The following FGF12 variants were observed in gnomAD, a reference collection of about 807,000 sequenced individuals.
The protein encoded by FGF12 is fibroblast growth factor 12B.
Under a neutral mutation model 23.6 loss-of-function variants are expected in FGF12, and 14 were observed. That is an observed-to-expected ratio of 0.59 (90% CI 0.39 to 0.93). FGF12 has a LOEUF of 0.93. Among genes scored for constraint, FGF12 ranks in the 40% least tolerant of loss-of-function variants. The pLI is 0.00. For missense variants in FGF12, 175 were observed against 217.8 expected (o/e 0.80, Z 1.24); for synonymous variants, 62 against 77.3 (o/e 0.80, Z 1.04).
intron 2 of FGF12, among the ~76,000 whole-genome samples, chr3:192,507,219 G>C (rs1724336787): frequency 1.3e-5 from 2 of 151,906 alleles, no homozygotes; most frequent in Non-Finnish European, 2.9e-5. Context: ...AGCTTTTAAG[G>C]CTCTTCTGGG....
chr3:192,292,375 T>C lies in FGF12; in HGVS notation c.228+42986A>G, dbSNP rs576153694. On this transcript the variant is annotated intron_variant, in intron 4 of 5. Transcript: ENST00000445105. The stretch of plus-strand genomic sequence containing the variant: ...ATGTTGCAATGAGTCAGCATCCTTT[T>C]CTAAGTTTTATAAAGAGAATTCGTG... Among the ~76,000 whole-genome samples, 4 of 152,226 alleles carry C rather than the reference T, an allele frequency of 2.6e-5. No individual in the cohort carries two copies. In the East Asian group the frequency reaches 7.7e-4, roughly 29 times the overall value.
At chr3:192,528,248 T>C (rs921670100) in intron 2 of FGF12, among the ~76,000 whole-genome samples, 3 of 152,098 alleles carry the variant, frequency 2.0e-5, no homozygotes, top group African/African-American at 4.8e-5. Flanking sequence ...GGTTCAAGCA[T>C]TGGAAGAAAT....
intron 2 of FGF12, among the ~76,000 whole-genome samples, chr3:192,625,608 T>C (rs575655781): frequency 3.3e-4 from 50 of 152,218 alleles, no homozygotes; most frequent in African/African-American, 1.2e-3. Flanking sequence ...AGATTCTAGG[T>C]TTTTTCTTAA....
intron 4 of FGF12, among the ~76,000 whole-genome samples, chr3:192,313,110 A>G (rs747847446): frequency 2.3e-4 from 35 of 152,186 alleles, no homozygotes; most frequent in Admixed American, 5.9e-4. Context: ...ATTCTCTATT[A>G]CAGAAATACA....
intron 4 of FGF12, among the ~76,000 whole-genome samples, chr3:192,294,624 A>G (rs1469900243): frequency 6.6e-6 from 1 of 152,200 alleles, no homozygotes; most frequent in Non-Finnish European, 1.5e-5. Flanking sequence ...AGTGCATGAG[A>G]TTGTATAGAA....
At chr3:192,485,253 A>T (rs1160585531) in intron 2 of FGF12, among the ~76,000 whole-genome samples, 1 of 152,138 alleles carries the variant, frequency 6.6e-6, no homozygotes, top group Non-Finnish European at 1.5e-5. Context: ...ATTGCCACAA[A>T]ATTTTGAAAC....
chr3:192,329,145 T>A (rs1309038947), intron 4 of FGF12, among the ~76,000 whole-genome samples: 1 of 152,170 alleles, frequency 6.6e-6, no homozygotes, highest in East Asian at 1.9e-4. Context: ...ATGGCCCAGA[T>A]AGCAAAGATG....
intron 5 of FGF12, among the ~76,000 whole-genome samples, chr3:192,158,371 TTTC>T (rs879580028): frequency 2.5e-5 from 3 of 118,960 alleles, no homozygotes; most frequent in Non-Finnish European, 3.6e-5. Flanking sequence ...TCTTTCTTTC[TTTC>T]TTTCTTTCTT....
At chr3:192,703,974 G>C (rs1483943505) in intron 2 of FGF12, among the ~76,000 whole-genome samples, 1 of 152,076 alleles carries the variant, frequency 6.6e-6, no homozygotes, top group Non-Finnish European at 1.5e-5. Flanking sequence ...CAAAGCACTG[G>C]GATTATAGAC....
chr3:192,621,746 C>T (rs1714985282), intron 2 of FGF12, among the ~76,000 whole-genome samples: 1 of 150,272 alleles, frequency 6.7e-6, no homozygotes, highest in African/African-American at 2.4e-5. Flanking sequence ...CTGCCTCCAG[C>T]CCTAAGAACT....
At chr3:192,592,693 A>T (rs1713677894) in intron 2 of FGF12, among the ~76,000 whole-genome samples, 1 of 151,820 alleles carries the variant, frequency 6.6e-6, no homozygotes, top group African/African-American at 2.4e-5. Context: ...AAACAAAACC[A>T]CTTTCCAGAA....
chr3:192,593,716 G>A (rs1016439631), intron 2 of FGF12, among the ~76,000 whole-genome samples: 1 of 151,780 alleles, frequency 6.6e-6, no homozygotes, highest in African/African-American at 2.4e-5. Context: ...TTTTTTCTGC[G>A]GTGCACTTTT....
At chr3:192,503,159 A>G (rs983506593) in intron 2 of FGF12, among the ~76,000 whole-genome samples, 10 of 152,252 alleles carry the variant, frequency 6.6e-5, no homozygotes, top group Non-Finnish European at 1.5e-4. Flanking sequence ...ACAGAAAAAC[A>G]GCAAGAAAAT....
At chr3:192,723,934 A>G (rs1351822545) in intron 2 of FGF12, among the ~76,000 whole-genome samples, 1 of 105,220 alleles carries the variant, frequency 9.5e-6, no homozygotes, top group African/African-American at 3.7e-5. Context: ...GAAAGGAGGG[A>G]AGAGGAAAGG....
chr3:192,160,014 G>T (rs1482942296), intron 5 of FGF12, among the ~76,000 whole-genome samples: 1 of 151,586 alleles, frequency 6.6e-6, no homozygotes, highest in Non-Finnish European at 1.5e-5. Context: ...TATTCGCCCA[G>T]TTCATCATGC....
chr3:192,651,980 G>A (rs946096943), intron 2 of FGF12, among the ~76,000 whole-genome samples: 7 of 152,156 alleles, frequency 4.6e-5, no homozygotes, highest in African/African-American at 1.7e-4. Context: ...GTGGCTAAGT[G>A]AGAAGAGAAG....
chr3:192,225,048 C>T (rs1266845492), intron 4 of FGF12, among the ~76,000 whole-genome samples: 1 of 151,980 alleles, frequency 6.6e-6, no homozygotes, highest in East Asian at 1.9e-4. Context: ...TACACAAACA[C>T]AAGTCAGAGA....
chr3:192,554,221 T>C (rs1259673199), intron 2 of FGF12, among the ~76,000 whole-genome samples: 1 of 152,310 alleles, frequency 6.6e-6, no homozygotes, highest in Non-Finnish European at 1.5e-5. Flanking sequence ...TGGTGGTCTC[T>C]CCTTTGTGGG....
At position 192,238,967 on chromosome 3, in the gene FGF12, T is replaced by C. The variant is rs562613457; in HGVS notation, c.229-68311A>G. Among the ~76,000 whole-genome samples the C allele has an allele frequency of 7.2e-5, 11 of 152,330 alleles. No individual in the cohort carries two copies. The South Asian group carries it at 2.3e-3, about 32-fold the overall frequency. ...GCATTTTCCACAAACAGTACTCATC[T>C]TGGAAAGTAGACCAGCATCCTAATA... On this transcript the variant is annotated intron_variant, in intron 4 of 5. Transcript: ENST00000445105.
Sources: gnomAD v4.1 joint callset for allele counts (sites outside exome capture counted in the v4.1 genomes callset) on GRCh38, gnomAD v4.1.1 for gene constraint, MANE v1.5 for transcripts, NCBI Gene and HGNC (gene_info 2026-07-23, HGNC 2026-07-21) for gene names.